The following NOD2 variants were observed in gnomAD, a reference collection of about 807,000 sequenced individuals.
NOD2 encodes nucleotide binding oligomerization domain containing 2.
In NOD2, 86 loss-of-function variants were observed where a neutral mutation model predicts 90.9. The ratio of observed to expected loss-of-function variants is 0.95; its 90% confidence interval spans 0.79 to 1.13. The LOEUF (loss-of-function observed/expected upper bound fraction) is 1.13, where lower values mean the gene tolerates loss of function less well. NOD2 is among the 50% of genes most tolerant of loss of function. The pLI is 0.00. For missense variants in NOD2, 1,238 were observed against 1,283.8 expected (o/e 0.96, Z 0.55); for synonymous variants, 581 against 554.6 (o/e 1.05, Z -0.67).
At chr16:50,708,023 A>G in intron 3 of NOD2, 63 bp downstream of exon 3, 1 of 1,122,478 alleles carries the variant, frequency 8.9e-7, no homozygotes, top group South Asian at 1.2e-5. Context: ...CATGGTTAAG[A>G]GCAGAACACA....
intron 2 of NOD2, among the ~76,000 whole-genome samples, chr16:50,702,791 C>T (rs1964000491): frequency 2.0e-5 from 3 of 152,306 alleles, no homozygotes; most frequent in South Asian, 4.1e-4. Flanking sequence ...CTGCCCAAAT[C>T]GCCCATCTGG....
At chr16:50,724,425 A>G (rs537215008) in intron 9 of NOD2, among the ~76,000 whole-genome samples, 12 of 152,380 alleles carry the variant, frequency 7.9e-5, no homozygotes, top group Non-Finnish European at 4.4e-5. Flanking sequence ...TTGAACATAC[A>G]GCAATTTATG....
chr16:50,705,465 C>T (rs752489450), intron 2 of NOD2, among the ~76,000 whole-genome samples: 23 of 152,214 alleles, frequency 1.5e-4, no homozygotes, highest in South Asian at 4.1e-4. Context: ...GTTGAGCATG[C>T]GGGTGAAACT....
chr16:50,695,748 G>A (rs1963618241), intron 1 of NOD2, among the ~76,000 whole-genome samples: 1 of 151,930 alleles, frequency 6.6e-6, no homozygotes, highest in Admixed American at 6.6e-5. Context: ...AGAGGAAGGA[G>A]GGAACAAATA....
intron 3 of NOD2, 90 bp from the exon 4 acceptor site, chr16:50,710,468 T>A: frequency 1.3e-6 from 2 of 1,571,518 alleles, no homozygotes; most frequent in East Asian, 4.5e-5. Flanking sequence ...CCTTCAGTTA[T>A]GTCAGCGTCC....
intron 3 of NOD2, 81 bp downstream of exon 3, chr16:50,708,041 T>G: frequency 6.4e-6 from 6 of 941,128 alleles, no homozygotes; most frequent in Non-Finnish European, 1.1e-5. Context: ...ACACCTCGGT[T>G]AACATCCCAT....
chr16:50,716,339 T>C (rs181248152), intron 4 of NOD2, among the ~76,000 whole-genome samples: 34 of 152,280 alleles, frequency 2.2e-4, no homozygotes, highest in Admixed American at 3.9e-4. Context: ...TCCTAAGGAT[T>C]CCAGGGTTCT....
At chr16:50,720,519 G>A (rs1249882279) in intron 7 of NOD2, among the ~76,000 whole-genome samples, 1 of 152,158 alleles carries the variant, frequency 6.6e-6, no homozygotes, top group Non-Finnish European at 1.5e-5. Flanking sequence ...GTCCCTCGGA[G>A]CTCTTGCTCC....
chr16:50,718,133 CCTT>C (rs1319453882), intron 6 of NOD2, among the ~76,000 whole-genome samples: 3 of 152,162 alleles, frequency 2.0e-5, no homozygotes, highest in Non-Finnish European at 4.4e-5. Context: ...CTGTACTCAC[CCTT>C]CTTCTTGGGA....
intron 3 of NOD2, among the ~76,000 whole-genome samples, chr16:50,709,606 C>T (rs934975074): frequency 6.6e-6 from 1 of 152,194 alleles, no homozygotes; most frequent in Non-Finnish European, 1.5e-5. Context: ...ATCACAGACT[C>T]TTGTTCGAGT....
At chr16:50,720,125 G>A (rs2150829655) in intron 7 of NOD2, 117 bp downstream of exon 7, 1 of 875,244 alleles carries the variant, frequency 1.1e-6, no homozygotes, top group Non-Finnish European at 1.8e-6. Flanking sequence ...CTCCAGTGGG[G>A]AGGACAAGCC....
chr16:50,701,190 G>T (rs555157372), intron 2 of NOD2, among the ~76,000 whole-genome samples: 18 of 152,182 alleles, frequency 1.2e-4, no homozygotes, highest in Non-Finnish European at 1.8e-4. Context: ...AATCTATTAG[G>T]TGCTTCATAC....
At chr16:50,728,533 A>G (rs1965344243) in intron 10 of NOD2, 1 of 164,890 alleles carries the variant, frequency 6.1e-6, no homozygotes, top group African/African-American at 2.4e-5. Flanking sequence ...AAAATGATGT[A>G]TAGCATAACC....
chr16:50,729,749 C>A, intron 10 of NOD2, 69 bp from the exon 11 acceptor site: 1 of 1,374,436 alleles, frequency 7.3e-7, no homozygotes, highest in Non-Finnish European at 1.0e-6. Context: ...CCTGCAGTCT[C>A]TTTAACTGGA....
intron 10 of NOD2, 75 bp from the exon 11 acceptor site, chr16:50,729,743 C>T (rs1469908012): frequency 1.6e-6 from 2 of 1,258,694 alleles, no homozygotes; most frequent in East Asian, 4.8e-5. Context: ...CTAACTCCTG[C>T]AGTCTCTTTA....
In NOD2 at chr16:50,729,853, A is replaced by G. The variant is rs1965392381; in HGVS notation, c.2921A>G (p.Glu974Gly). The change falls in exon 11 of 12, where the codon GAA (glutamate) becomes GGA (glycine). Residue 974 changes from glutamate to glycine, a missense_variant. Coordinates refer to ENST00000647318, the MANE Select transcript of NOD2 (RefSeq NM_001370466.1). ...AACTGCATCACCTACCTAGGGGCAG[A>G]AGCCCTCCTGCAGGCCCTTGAAAGG... ...SNNCITYLGAEALLQALERND... is the reference protein window; with the variant it reads ...SNNCITYLGAGALLQALERND... 1 of 1,613,196 alleles carries G rather than the reference A, an allele frequency of 6.2e-7. No homozygotes were observed. The highest frequency in any genetic ancestry group is 8.5e-7 in the Non-Finnish European group (1 of 1,179,302).
chr16:50,710,641 G>C lies in NOD2; in HGVS notation c.649G>C (p.Glu217Gln), dbSNP rs1964420065. 2 of 1,614,234 alleles carry C rather than the reference G, an allele frequency of 1.2e-6. No homozygotes were observed. Among genetic ancestry groups the C allele is most frequent in the Non-Finnish European group, 1.7e-6 (2 of 1,180,034 alleles). The change falls in exon 4 of 12, where the codon GAG (glutamate) becomes CAG (glutamine). Residue 217 changes from glutamate to glutamine, a missense_variant. Coordinates refer to ENST00000647318, the MANE Select transcript of NOD2 (RefSeq NM_001370466.1). ...SRFLSTYDGA[E>Q]TLCLEDIYTE... ...CTTCCTCAGTACCTATGATGGAGCA[G>C]AGACGCTCTGCCTGGAGGACATATA...
At chr16:50,724,595 G>A (rs1006977887) in intron 9 of NOD2, among the ~76,000 whole-genome samples, 7 of 152,160 alleles carry the variant, frequency 4.6e-5, no homozygotes, top group Non-Finnish European at 1.0e-4. Context: ...TCTTTATATG[G>A]ATATAGACTG....
intron 9 of NOD2, among the ~76,000 whole-genome samples, chr16:50,724,464 C>T (rs563401813): frequency 1.3e-5 from 2 of 152,336 alleles, no homozygotes; most frequent in Non-Finnish European, 2.9e-5. Context: ...ACTGGGAGTG[C>T]TCCACCCAGC....
Sources: allele counts gnomAD v4.1 joint callset (sites outside exome capture counted in the v4.1 genomes callset), GRCh38; gene constraint gnomAD v4.1.1; transcripts MANE v1.5; gene names NCBI Gene and HGNC (gene_info 2026-07-23, HGNC 2026-07-21).